PEAK1: variants seen among roughly 807,000 people sequenced by gnomAD.
PEAK1 encodes inactive tyrosine-protein kinase PEAK1.
In PEAK1, 54 loss-of-function variants were observed where a neutral mutation model predicts 124.7. The ratio of observed to expected loss-of-function variants is 0.43; its 90% CI spans 0.35 to 0.54. The LOEUF is 0.54. Among genes scored for constraint, PEAK1 ranks in the 20% least tolerant of loss-of-function variants. The pLI, the probability that PEAK1 is intolerant of heterozygous loss-of-function variation, is 0.01. For missense variants in PEAK1, 2,046 were observed against 2,134.5 expected (o/e 0.96, Z 0.82); for synonymous variants, 719 against 760.0 (o/e 0.95, Z 0.89).
At chr15:77,218,430 T>C (rs1370260457) in intron 6 of PEAK1, among the ~76,000 whole-genome samples, 1 of 152,112 alleles carries the variant, frequency 6.6e-6, no homozygotes, top group Non-Finnish European at 1.5e-5. Flanking sequence ...AATGGTGAAT[T>C]ATGTTGATAG....
chr15:77,222,022 G>A (rs1195983196), intron 6 of PEAK1, among the ~76,000 whole-genome samples: 2 of 151,952 alleles, frequency 1.3e-5, no homozygotes, highest in African/African-American at 2.4e-5. Context: ...ATTCAGGTGA[G>A]TTAGGATGGA....
intron 5 of PEAK1, among the ~76,000 whole-genome samples, chr15:77,266,108 G>C (rs1020059406): frequency 1.3e-5 from 2 of 152,070 alleles, no homozygotes; most frequent in Non-Finnish European, 2.9e-5. Flanking sequence ...GTTGTGGGGT[G>C]GGGAGAGGGG....
chr15:77,329,701 T>C (rs373575624), intron 2 of PEAK1, among the ~76,000 whole-genome samples: 1 of 152,230 alleles, frequency 6.6e-6, no homozygotes, highest in African/African-American at 2.4e-5. Context: ...TGTTGAACTA[T>C]ATTGCACAGT....
At chr15:77,245,639 C>CT (rs2060548535) in intron 6 of PEAK1, among the ~76,000 whole-genome samples, 1 of 151,970 alleles carries the variant, frequency 6.6e-6, no homozygotes, top group Non-Finnish European at 1.5e-5. Flanking sequence ...GCAGAGGCTG[C>CT]AGTGAGCCAA....
intron 8 of PEAK1, among the ~76,000 whole-genome samples, chr15:77,154,456 C>T (rs1271814245): frequency 6.6e-6 from 1 of 152,142 alleles, no homozygotes; most frequent in Non-Finnish European, 1.5e-5. Flanking sequence ...CAGTCTGTGT[C>T]TTTTAATTGG....
chr15:77,393,749 G>A (rs555336802), intron 1 of PEAK1, among the ~76,000 whole-genome samples: 1 of 152,322 alleles, frequency 6.6e-6, no homozygotes, highest in Non-Finnish European at 1.5e-5. Flanking sequence ...AAAAGGAGAG[G>A]GAAGAGTAAA....
At chr15:77,305,090 T>C (rs867059382) in intron 2 of PEAK1, among the ~76,000 whole-genome samples, 3 of 150,374 alleles carry the variant, frequency 2.0e-5, no homozygotes, top group Non-Finnish European at 4.4e-5. Context: ...CTATAGTAAG[T>C]TGAGATTGAG....
At chr15:77,249,012 G>C (rs1285102659) in intron 6 of PEAK1, among the ~76,000 whole-genome samples, 1 of 151,910 alleles carries the variant, frequency 6.6e-6, no homozygotes. Context: ...TGGTAGATTC[G>C]GGGTTTCACC....
intron 6 of PEAK1, among the ~76,000 whole-genome samples, chr15:77,210,149 A>T (rs986225655): frequency 2.2e-4 from 33 of 152,334 alleles, no homozygotes; most frequent in Middle Eastern, 3.4e-3. Context: ...AATGGTAACT[A>T]TCCTTATATT....
chr15:77,185,676 A>G (rs2057510507), intron 6 of PEAK1, among the ~76,000 whole-genome samples: 1 of 152,180 alleles, frequency 6.6e-6, no homozygotes, highest in African/African-American at 2.4e-5. Flanking sequence ...TAACTTTTGG[A>G]GAAGAGTAGG....
intron 1 of PEAK1, among the ~76,000 whole-genome samples, chr15:77,372,305 A>C (rs115572709): frequency 2.6e-5 from 4 of 152,212 alleles, no homozygotes; most frequent in African/African-American, 9.7e-5. Flanking sequence ...GCTGCCATTC[A>C]GATAAAAGAT....
intron 6 of PEAK1, among the ~76,000 whole-genome samples, chr15:77,216,793 C>CGG (rs2059167702): frequency 6.6e-6 from 1 of 152,100 alleles, no homozygotes; most frequent in African/African-American, 2.4e-5. Flanking sequence ...TGCCACTCAA[C>CGG]GGGGGCCAAA....
intron 7 of PEAK1, among the ~76,000 whole-genome samples, chr15:77,174,648 T>C (rs2152809920): frequency 6.6e-6 from 1 of 152,332 alleles, no homozygotes; most frequent in Non-Finnish European, 1.5e-5. Flanking sequence ...AAAACTCCAA[T>C]GTGCCTTAAA....
At chr15:77,383,508 T>C (rs1424946396) in intron 1 of PEAK1, among the ~76,000 whole-genome samples, 1 of 152,192 alleles carries the variant, frequency 6.6e-6, no homozygotes, top group Non-Finnish European at 1.5e-5. Context: ...CAGAACTCTG[T>C]TCAAAATCTT....
intron 2 of PEAK1, among the ~76,000 whole-genome samples, chr15:77,302,625 T>C (rs1314818940): frequency 6.6e-6 from 1 of 152,160 alleles, no homozygotes; most frequent in Non-Finnish European, 1.5e-5. Flanking sequence ...GACTAAACAG[T>C]CATACAGATG....
In PEAK1 at chr15:77,114,562, T is replaced by C. The variant is rs1247659196; in HGVS notation, c.4835A>G (p.Asn1612Ser). 6.2e-7 allele frequency: 1 copy of C among 1,613,836 alleles called. No homozygotes were observed. The highest frequency in any genetic ancestry group is 8.5e-7 in the Non-Finnish European group (1 of 1,179,984). The change falls in exon 10 of 10, where the codon AAC becomes AGC. Residue 1612 changes from asparagine to serine, a missense_variant. Physicochemically the swap from Asn to Ser is conservative, Grantham distance 46 (BLOSUM62 1). Transcript: ENST00000682557. ...GTATTCCCTCTCCTTCAGCTCTGGGTTCTCATCAAAGGGGTTGGGTAGGTG... is the reference window on the plus strand; with the variant it reads ...GTATTCCCTCTCCTTCAGCTCTGGGCTCTCATCAAAGGGGTTGGGTAGGTG... ...MLHLPNPFDENPELKEREYTR... is the reference protein window; with the variant it reads ...MLHLPNPFDESPELKEREYTR...
chr15:77,233,785 A>G (rs1390078086), intron 6 of PEAK1, among the ~76,000 whole-genome samples: 1 of 152,224 alleles, frequency 6.6e-6, no homozygotes, highest in Non-Finnish European at 1.5e-5. Context: ...AGTTTTTACC[A>G]TTCCTTATTA....
chr15:77,232,343 C>T (rs551636199), intron 6 of PEAK1, among the ~76,000 whole-genome samples: 1 of 151,932 alleles, frequency 6.6e-6, no homozygotes, highest in East Asian at 1.9e-4. Flanking sequence ...ACACACTGTG[C>T]CAACTGTGCT....
intron 9 of PEAK1, 45 bp from the exon 10 acceptor site, chr15:77,115,364 G>A (rs2051270795): frequency 1.3e-6 from 2 of 1,513,024 alleles, no homozygotes; most frequent in East Asian, 4.6e-5. Flanking sequence ...CTCATAACCA[G>A]GTTTATGATG....
Sources: allele counts gnomAD v4.1 joint callset (sites outside exome capture counted in the v4.1 genomes callset), GRCh38; gene constraint gnomAD v4.1.1; transcripts MANE v1.5; gene names NCBI Gene and HGNC (gene_info 2026-07-23, HGNC 2026-07-21).